ADK: variants seen among roughly 807,000 people sequenced by gnomAD.
ADK encodes the protein N6,N6-dimethyladenosine kinase.
Under a neutral mutation model 44.7 loss-of-function variants are expected in ADK, and 24 were observed. The observed-to-expected ratio is 0.54, with a 90% CI of 0.39 to 0.76. The LOEUF is 0.76. ADK is among the 30% of genes least tolerant of loss of function. The pLI is 0.00. For missense variants in ADK, 321 were observed against 425.1 expected (o/e 0.76, Z 2.15); for synonymous variants, 128 against 142.6 (o/e 0.90, Z 0.73).
At chr10:74,314,788 C>G (rs1282098331) in intron 4 of ADK, 43 bp downstream of exon 4, 1 of 1,358,546 alleles carries the variant, frequency 7.4e-7, no homozygotes, top group Non-Finnish European at 1.1e-6. Context: ...CAAAATGATT[C>G]TAGACCCATG....
intron 6 of ADK, among the ~76,000 whole-genome samples, chr10:74,417,274 T>G (rs1196754615): frequency 6.6e-6 from 1 of 152,198 alleles, no homozygotes; most frequent in Non-Finnish European, 1.5e-5. Context: ...TCCCTTGTTG[T>G]CTTTTTCAAA....
intron 9 of ADK, among the ~76,000 whole-genome samples, chr10:74,652,590 G>A (rs752782018): frequency 6.6e-6 from 1 of 150,906 alleles, no homozygotes; most frequent in African/African-American, 2.4e-5. Context: ...GTGAAACTCC[G>A]TCTCTGCTCA....
chr10:74,549,656 C>G (rs879938731), intron 7 of ADK, among the ~76,000 whole-genome samples: 2 of 152,086 alleles, frequency 1.3e-5, no homozygotes, highest in Non-Finnish European at 2.9e-5. Flanking sequence ...AGGCTGGTTT[C>G]AAACTCCTGG....
chr10:74,163,667 T>G (rs1034207065), intron 1 of ADK, among the ~76,000 whole-genome samples: 13 of 152,246 alleles, frequency 8.5e-5, no homozygotes, highest in African/African-American at 2.9e-4. Flanking sequence ...TGTCTTAGGT[T>G]TTCTCAAATT....
At chr10:74,186,323 G>A (rs112184968) in intron 1 of ADK, among the ~76,000 whole-genome samples, 1 of 150,674 alleles carries the variant, frequency 6.6e-6, no homozygotes, top group African/African-American at 2.4e-5. Context: ...TTTGTCGCCC[G>A]GGCTTGAGTG....
chr10:74,667,571 C>T (rs1449455767), intron 9 of ADK, among the ~76,000 whole-genome samples: 10 of 148,142 alleles, frequency 6.8e-5, no homozygotes, highest in African/African-American at 2.5e-4. Context: ...CTCACTCTGT[C>T]GCCCAGGCTG....
rs924063759 is a variant in ADK at position 74,488,482 on chromosome 10, A to G, written c.556-36774A>G. On this transcript the variant is annotated intron_variant, in intron 6 of 10. Transcript: ENST00000539909. ...ATTTGTACTACTCTCAATTTTTTCT[A>G]TAGGCTTGGTTTCAAGATGAAATTT... is the stretch of plus-strand genomic sequence containing the variant. Among the ~76,000 whole-genome samples, 24 of 150,782 alleles carry G rather than the reference A, an allele frequency of 1.6e-4. 1 individual carries two copies. Among genetic ancestry groups the G allele is most frequent in the African/African-American group, 4.6e-4 (19 of 41,042 alleles).
chr10:74,286,241 A>C (rs1847157679), intron 3 of ADK, among the ~76,000 whole-genome samples: 1 of 152,170 alleles, frequency 6.6e-6, no homozygotes, highest in Admixed American at 6.5e-5. Context: ...TTGCAGAAAC[A>C]GACTCTTGCT....
At chr10:74,682,804 CCT>C (rs1330447159) in intron 10 of ADK, among the ~76,000 whole-genome samples, 1 of 152,006 alleles carries the variant, frequency 6.6e-6, no homozygotes, top group Non-Finnish European at 1.5e-5. Context: ...TAACTCCTGA[CCT>C]CAGATGATCC....
chr10:74,643,613 A>C (rs1341794851), intron 9 of ADK, among the ~76,000 whole-genome samples: 1 of 152,084 alleles, frequency 6.6e-6, no homozygotes, highest in Admixed American at 6.6e-5. Flanking sequence ...TGCTTTATTA[A>C]GCTGTAATTT....
intron 1 of ADK, among the ~76,000 whole-genome samples, chr10:74,188,571 C>T (rs1191937690): frequency 1.3e-5 from 2 of 151,920 alleles, no homozygotes; most frequent in African/African-American, 2.4e-5. Flanking sequence ...CCAGGATGGT[C>T]TCCATCTCCT....
intron 7 of ADK, among the ~76,000 whole-genome samples, 189 bp downstream of exon 7, chr10:74,525,615 A>G (rs1268259227): frequency 1.3e-5 from 2 of 152,136 alleles, no homozygotes; most frequent in Non-Finnish European, 2.9e-5. Flanking sequence ...TTCAGTATAT[A>G]CTAACTTCTT....
chr10:74,383,765 C>T (rs1843052637), intron 4 of ADK, among the ~76,000 whole-genome samples: 1 of 85,306 alleles, frequency 1.2e-5, no homozygotes. Context: ...TTAGCAAGAC[C>T]TGTTTGTTTA....
intron 8 of ADK, among the ~76,000 whole-genome samples, chr10:74,596,798 C>T (rs936547232): frequency 6.6e-6 from 1 of 152,194 alleles, no homozygotes; most frequent in Non-Finnish European, 1.5e-5. Context: ...TCACCCGCCT[C>T]CGCCTCCCAG....
chr10:74,649,624 C>CA (rs780181544), intron 9 of ADK, among the ~76,000 whole-genome samples: 2,339 of 132,000 alleles, frequency 0.018, 23 homozygotes, highest in African/African-American at 0.022. Flanking sequence ...GACTCTATAT[C>CA]AAAAAAAAAA....
intron 7 of ADK, among the ~76,000 whole-genome samples, chr10:74,546,764 G>A (rs1210266276): frequency 6.6e-6 from 1 of 151,946 alleles, no homozygotes; most frequent in African/African-American, 2.4e-5. Context: ...TGATTATTTA[G>A]TAAAACATTA....
intron 3 of ADK, among the ~76,000 whole-genome samples, chr10:74,307,074 G>A (rs984630421): frequency 1.3e-5 from 2 of 151,932 alleles, no homozygotes; most frequent in African/African-American, 4.8e-5. Context: ...GGTTCCACAT[G>A]TAACCAGTAT....
Position 74,573,452 on chromosome 10 carries a change from C to G in ADK, c.727-15830C>G, listed in dbSNP as rs544470409. Among the ~76,000 whole-genome samples, 692 of 152,290 alleles carry G rather than the reference C, an allele frequency of 4.5e-3. 3 individuals are homozygous for G. Among genetic ancestry groups the G allele is most frequent in the Non-Finnish European group, 5.5e-3 (375 of 68,020 alleles). On this transcript the variant is annotated intron_variant, in intron 7 of 10. Coordinates refer to ENST00000539909, the MANE Select transcript of ADK (RefSeq NM_006721.4). ...CCCAGTTAGGCTGCTCAGGGGTCAGCGGTCAGGGACCCACTTGAGGAGGCA... is the reference window on the plus strand; with the variant it reads ...CCCAGTTAGGCTGCTCAGGGGTCAGGGGTCAGGGACCCACTTGAGGAGGCA...
chr10:74,606,563 C>T (rs1160494250), intron 9 of ADK, among the ~76,000 whole-genome samples: 1 of 152,106 alleles, frequency 6.6e-6, no homozygotes, highest in Non-Finnish European at 1.5e-5. Flanking sequence ...GTTTCTTAGT[C>T]CTGAGTTCTA....
Sources: gnomAD v4.1 joint callset for allele counts (sites outside exome capture counted in the v4.1 genomes callset) on GRCh38, gnomAD v4.1.1 for gene constraint, MANE v1.5 for transcripts, NCBI Gene and HGNC (gene_info 2026-07-23, HGNC 2026-07-21) for gene names.